The following STXBP5L variants were observed in gnomAD, a reference collection of about 807,000 sequenced individuals.
The protein encoded by STXBP5L is syntaxin binding protein 5L.
Under a neutral mutation model 144.5 loss-of-function variants are expected in STXBP5L, and 65 were observed. The ratio of observed to expected loss-of-function variants is 0.45; its 90% CI spans 0.37 to 0.55. The LOEUF is 0.55. Ranked by LOEUF, STXBP5L falls within the 20% of genes least tolerant of loss-of-function variation. The probability of loss-of-function intolerance (pLI) is 0.00; values close to 1 mark genes in which losing one functional copy is unlikely to be tolerated. For synonymous variants in STXBP5L, 505 were observed against 469.6 expected (o/e 1.08, Z -0.97); for missense variants, 1,298 against 1,405.5 (o/e 0.92, Z 1.22).
intron 4 of STXBP5L, among the ~76,000 whole-genome samples, chr3:121,044,565 T>C (rs1251305436): frequency 6.6e-6 from 1 of 152,174 alleles, no homozygotes; most frequent in Non-Finnish European, 1.5e-5. Flanking sequence ...AGATCACTCT[T>C]AGAGAACACA....
chr3:120,915,673 C>T (rs910550399), intron 2 of STXBP5L, among the ~76,000 whole-genome samples: 10 of 151,932 alleles, frequency 6.6e-5, no homozygotes, highest in East Asian at 3.9e-4. Flanking sequence ...AATATACTAG[C>T]GTTTTTATTT....
At chr3:121,278,735 C>G (rs1203694526) in intron 18 of STXBP5L, among the ~76,000 whole-genome samples, 1 of 151,772 alleles carries the variant, frequency 6.6e-6, no homozygotes, top group Non-Finnish European at 1.5e-5. Context: ...GAAGCTAAGG[C>G]CAAGCAAGAT....
chr3:121,126,309 G>A (rs1266742579), intron 7 of STXBP5L, among the ~76,000 whole-genome samples: 1 of 152,172 alleles, frequency 6.6e-6, no homozygotes, highest in Non-Finnish European at 1.5e-5. Context: ...TGCTGTAAGA[G>A]TAAAGCTGAG....
At chr3:121,253,393 C>T (rs1425419249) in intron 15 of STXBP5L, among the ~76,000 whole-genome samples, 1 of 151,814 alleles carries the variant, frequency 6.6e-6, no homozygotes, top group Non-Finnish European at 1.5e-5. Flanking sequence ...TACATATATA[C>T]ATATAGCTTT....
chr3:121,028,853 G>C (rs1019044560), intron 3 of STXBP5L, among the ~76,000 whole-genome samples: 2 of 152,030 alleles, frequency 1.3e-5, no homozygotes, highest in African/African-American at 2.4e-5. Context: ...TGCCATATAA[G>C]TTGTGGTTCT....
intron 5 of STXBP5L, among the ~76,000 whole-genome samples, chr3:121,111,036 A>G (rs910574828): frequency 2.6e-5 from 4 of 152,264 alleles, no homozygotes; most frequent in Non-Finnish European, 4.4e-5. Context: ...TCGGCTATCA[A>G]TAATTGTGGG....
chr3:121,368,876 G>GTGGCA (rs1270132429), intron 20 of STXBP5L, among the ~76,000 whole-genome samples: 1 of 152,182 alleles, frequency 6.6e-6, no homozygotes, highest in Non-Finnish European at 1.5e-5. Flanking sequence ...AGTTAATGGA[G>GTGGCA]TGGCAGTGGA....
chr3:121,144,732 C>A (rs2045650282), intron 7 of STXBP5L, among the ~76,000 whole-genome samples: 2 of 151,944 alleles, frequency 1.3e-5, no homozygotes. Context: ...GAATAAACAA[C>A]ATGTGGTTAC....
intron 3 of STXBP5L, among the ~76,000 whole-genome samples, chr3:121,028,741 G>A (rs530350624): frequency 6.6e-6 from 1 of 152,144 alleles, no homozygotes; most frequent in South Asian, 2.1e-4. Context: ...ATAGTAATCA[G>A]TGCAGTGGCT....
At chr3:121,005,763 A>G (rs1390618261) in intron 3 of STXBP5L, among the ~76,000 whole-genome samples, 2 of 152,008 alleles carry the variant, frequency 1.3e-5, no homozygotes, top group African/African-American at 2.4e-5. Context: ...CTTTGTTCTC[A>G]TTGGTTTCAA....
intron 8 of STXBP5L, 71 bp downstream of exon 8, chr3:121,152,631 G>T: frequency 8.6e-7 from 1 of 1,158,484 alleles, no homozygotes. Flanking sequence ...TTTAAGCTTT[G>T]CACTTTACCA....
intron 7 of STXBP5L, among the ~76,000 whole-genome samples, chr3:121,132,605 C>G (rs1159260365): frequency 6.6e-6 from 1 of 151,948 alleles, no homozygotes; most frequent in Non-Finnish European, 1.5e-5. Flanking sequence ...CATAGAGAGT[C>G]AAGGAAAATG....
At chr3:120,914,731 G>A (rs953635710) in intron 2 of STXBP5L, among the ~76,000 whole-genome samples, 2 of 152,130 alleles carry the variant, frequency 1.3e-5, no homozygotes, top group Non-Finnish European at 2.9e-5. Context: ...TCCCTGAGAT[G>A]TGTGGATTTG....
At chr3:121,006,247 G>A (rs1045168185) in intron 3 of STXBP5L, among the ~76,000 whole-genome samples, 3 of 152,150 alleles carry the variant, frequency 2.0e-5, no homozygotes, top group African/African-American at 7.2e-5. Flanking sequence ...TGTATTGGGT[G>A]CATATATATT....
intron 5 of STXBP5L, chr3:121,099,269 A>T (rs188988312): frequency 6.6e-6 from 1 of 152,352 alleles, no homozygotes; most frequent in Non-Finnish European, 1.5e-5. Flanking sequence ...GTTCACCCAG[A>T]GGAGTGAACT....
At chr3:121,231,640 A>G (rs1301859299) in intron 11 of STXBP5L, among the ~76,000 whole-genome samples, 1 of 152,106 alleles carries the variant, frequency 6.6e-6, no homozygotes, top group Admixed American at 6.6e-5. Context: ...CCTGCACTAG[A>G]AAGAGATATA....
At chr3:121,088,344 C>T (rs1190783880) in intron 5 of STXBP5L, among the ~76,000 whole-genome samples, 2 of 114,064 alleles carry the variant, frequency 1.8e-5, no homozygotes, top group Non-Finnish European at 3.5e-5. Context: ...TGAAGAAATG[C>T]TCATCATCAC....
intron 5 of STXBP5L, among the ~76,000 whole-genome samples, chr3:121,073,408 T>C (rs1241107212): frequency 6.6e-6 from 1 of 152,176 alleles, no homozygotes; most frequent in Non-Finnish European, 1.5e-5. Flanking sequence ...TTATTAACCT[T>C]TGTCCAAATG....
chr3:121,407,655 AC>A, intron 23 of STXBP5L, 52 bp downstream of exon 23: 1 of 1,605,188 alleles, frequency 6.2e-7, no homozygotes, highest in South Asian at 1.1e-5. Context: ...CCAGCAAGGT[AC>A]AATCCTAAAA....
Sources: gnomAD v4.1 joint callset for allele counts (sites outside exome capture counted in the v4.1 genomes callset) on GRCh38, gnomAD v4.1.1 for gene constraint, MANE v1.5 for transcripts, NCBI Gene and HGNC (gene_info 2026-07-23, HGNC 2026-07-21) for gene names.